EMID1: variants seen among roughly 807,000 people sequenced by gnomAD.
EMID1 encodes the protein EMI domain containing 1.
EMID1 carries 40 observed loss-of-function variants against 60.6 expected under a neutral mutation model. The observed-to-expected ratio is 0.66, with a 90% CI of 0.51 to 0.86. The LOEUF (loss-of-function observed/expected upper bound fraction) is 0.86, where lower values mean the gene tolerates loss of function less well. Ranked by LOEUF, EMID1 falls within the 40% of genes least tolerant of loss-of-function variation. The probability of loss-of-function intolerance (pLI) is 0.00; values close to 1 mark genes in which losing one functional copy is unlikely to be tolerated. For missense variants in EMID1, 585 were observed against 597.1 expected, an observed-to-expected ratio of 0.98 and a Z score of 0.21; for synonymous variants, 242 against 231.0, an observed-to-expected ratio of 1.05 and a Z score of -0.43.
In EMID1 at chr22:29,205,933, G is replaced by C. The variant is rs1601874384; in HGVS notation, c.-106G>C. 10 of 566,584 alleles carry C rather than the reference G, an allele frequency of 1.8e-5. No homozygotes were observed. In the South Asian group the frequency reaches 5.4e-4, roughly 30 times the overall value. The allele number at this position is 566,584 out of a possible 1,614,324, so 35.1% of individuals were successfully genotyped here. On this transcript the variant is annotated 5_prime_UTR_variant, in exon 1 of 15. Transcript: ENST00000334018. Reference sequence around the variant, plus strand: ...CCCTCCGGCCGCGGAGCTGGAAACCGGGCTCCGCGCGTCCGGGGCGGCTGG... The same window carrying C: ...CCCTCCGGCCGCGGAGCTGGAAACCCGGCTCCGCGCGTCCGGGGCGGCTGG...
chr22:29,220,510 G>A (rs982954393), intron 3 of EMID1, among the ~76,000 whole-genome samples: 5 of 151,936 alleles, frequency 3.3e-5, no homozygotes, highest in African/African-American at 1.2e-4. Flanking sequence ...CCTGGACTGG[G>A]GCTGGGAAGG....
chr22:29,231,203 G>T, intron 6 of EMID1, 63 bp downstream of exon 6: 1 of 1,530,446 alleles, frequency 6.5e-7, no homozygotes, highest in East Asian at 2.3e-5. Flanking sequence ...GGGGAAGTGG[G>T]ATTCTGGTCC....
chr22:29,213,312 A>G (rs933227362), intron 1 of EMID1, among the ~76,000 whole-genome samples: 4 of 152,154 alleles, frequency 2.6e-5, no homozygotes, highest in Non-Finnish European at 5.9e-5. Context: ...TGATGGTGCC[A>G]TGGCAGGCAC....
At chr22:29,255,881 G>A (rs1161712255) in intron 14 of EMID1, among the ~76,000 whole-genome samples, 1 of 152,176 alleles carries the variant, frequency 6.6e-6, no homozygotes, top group African/African-American at 2.4e-5. Flanking sequence ...GAGCCTAGAA[G>A]CAACAGAATC....
rs148348802 is a variant in EMID1, at chr22:29,215,623, C to T, written c.312C>T (p.Cys104=). The stretch of plus-strand genomic sequence containing the variant: ...GCCCTGGGCACTCAGGAGTGAGCTG[C>T]GAGGAAGGTAGGACTGCCCGGCCGG... The part of the protein sequence containing the change: ...RCCPGHSGVS[C]EEVAASSASL... Residue 104 remains cysteine, a synonymous_variant, in exon 3 of 15, where the codon TGC becomes TGT. Coordinates refer to ENST00000334018, the MANE Select transcript of EMID1 (RefSeq NM_133455.4). 9.9e-6 allele frequency: 16 copies of T among 1,613,734 alleles called. No homozygotes were observed. The highest frequency in any genetic ancestry group is 2.7e-5 in the African/African-American group (2 of 74,896).
At chr22:29,221,170 A>AG (rs2040283866) in intron 3 of EMID1, among the ~76,000 whole-genome samples, 1 of 150,252 alleles carries the variant, frequency 6.7e-6, no homozygotes. Context: ...GCCCACAGTC[A>AG]GGCTCCCAGA....
intron 1 of EMID1, among the ~76,000 whole-genome samples, chr22:29,214,653 G>A (rs1171158443): frequency 6.6e-6 from 1 of 152,072 alleles, no homozygotes; most frequent in Non-Finnish European, 1.5e-5. Context: ...GGGGAAGATG[G>A]CCCGCTTCCA....
chr22:29,226,380 G>T (rs2040509739), intron 4 of EMID1, 110 bp from the exon 5 acceptor site: 2 of 1,252,382 alleles, frequency 1.6e-6, no homozygotes, highest in African/African-American at 3.0e-5. Flanking sequence ...CGTGGGTTGG[G>T]GTCATCAGGT....
At chr22:29,226,799 G>A (rs2040529578) in intron 5 of EMID1, among the ~76,000 whole-genome samples, 2 of 152,126 alleles carry the variant, frequency 1.3e-5, no homozygotes, top group Non-Finnish European at 2.9e-5. Context: ...CAAGCGGAGG[G>A]GATACTAGCA....
At chr22:29,226,388 G>A (rs749492279) in intron 4 of EMID1, 102 bp from the exon 5 acceptor site, 2 of 1,338,330 alleles carry the variant, frequency 1.5e-6, no homozygotes, top group South Asian at 2.7e-5. Flanking sequence ...GGGGTCATCA[G>A]GTATCTGACG....
intron 3 of EMID1, among the ~76,000 whole-genome samples, chr22:29,223,006 G>T (rs1021381058): frequency 3.9e-5 from 6 of 152,120 alleles, no homozygotes; most frequent in Admixed American, 3.3e-4. Flanking sequence ...AAGGAGAATC[G>T]CTTGAACCCA....
At chr22:29,241,418 C>T (rs529810028) in intron 12 of EMID1, among the ~76,000 whole-genome samples, 2 of 152,306 alleles carry the variant, frequency 1.3e-5, no homozygotes, top group East Asian at 3.9e-4. Flanking sequence ...AGATGACTCT[C>T]GCCCTTGTCC....
chr22:29,242,046 GACTAC>G (rs1015454761), intron 12 of EMID1, among the ~76,000 whole-genome samples: 2 of 152,136 alleles, frequency 1.3e-5, no homozygotes, highest in Non-Finnish European at 2.9e-5. Context: ...GAGTAGCTGG[GACTAC>G]AGGTGCACAC....
At chr22:29,230,997 C>A in intron 5 of EMID1, 23 bp from the exon 6 acceptor site, 2 of 1,606,958 alleles carry the variant, frequency 1.2e-6, no homozygotes, top group South Asian at 1.1e-5. Flanking sequence ...TGGTACCCAC[C>A]CCGTCCCTGT....
intron 13 of EMID1, chr22:29,253,984 C>T (rs1569009157): frequency 1.4e-5 from 14 of 985,348 alleles, no homozygotes; most frequent in African/African-American, 1.7e-5. Context: ...CCAACGGGAC[C>T]TTCTGGGAGG....
chr22:29,231,948 G>A (rs2040765704), intron 7 of EMID1: 1 of 572,602 alleles, frequency 1.7e-6, no homozygotes, highest in Non-Finnish European at 3.1e-6. Context: ...CTGCCCTTCT[G>A]GAGCTTCCAT....
rs368249655 is a variant in EMID1 at position 29,221,475 on chromosome 22, C to T, written c.320-3658C>T. Among the ~76,000 whole-genome samples the T allele has an allele frequency of 9.9e-5, 15 of 152,102 alleles. No individual in the cohort carries two copies. The East Asian group carries it at 1.5e-3, about 16-fold the overall frequency. On this transcript the variant is annotated intron_variant, in intron 3 of 14. Transcript: ENST00000334018. ...CTGCAAGCTCCGTCTCCTGGGTTCA[C>T]GCCATTCTCCTGCCTCAGCCTCCCG...
intron 13 of EMID1, among the ~76,000 whole-genome samples, chr22:29,246,468 G>A (rs554583682): frequency 5.4e-4 from 82 of 152,176 alleles, no homozygotes; most frequent in African/African-American, 1.9e-3. Flanking sequence ...AGACTGAGCC[G>A]GGCAGTGGGT....
Position 29,225,183 on chromosome 22 carries a change from C to T in EMID1, c.370C>T (p.Arg124Trp), listed in dbSNP as rs200384180. The T allele has an allele frequency of 3.1e-6, 5 of 1,613,904 alleles. No individual in the cohort carries two copies. The highest frequency in any genetic ancestry group is 2.2e-5 in the East Asian group (1 of 44,882). ...LEPMWSGSTM[R>W]RMALRPTAFS... ...GCCCATGTGGTCGGGCAGTACCATG[C>T]GGCGGATGGCGCTTCGGCCCACAGC... is the stretch of plus-strand genomic sequence containing the variant. The change falls in exon 4 of 15, where the codon CGG becomes TGG. Residue 124 changes from arginine (R) to tryptophan (W), a missense_variant. By Grantham distance (101) the Arg-to-Trp change is moderately radical. Transcript: ENST00000334018.
Sources: gnomAD v4.1 joint callset for allele counts (sites outside exome capture counted in the v4.1 genomes callset) on GRCh38, gnomAD v4.1.1 for gene constraint, MANE v1.5 for transcripts, NCBI Gene and HGNC (gene_info 2026-07-23, HGNC 2026-07-21) for gene names.